Variants in ZNF626 observed in about 807,000 individuals in gnomAD.
The protein encoded by ZNF626 is CTC-513N18.7.
ZNF626 carries 4 observed loss-of-function variants against 11.7 expected under a neutral mutation model. That is an observed-to-expected ratio of 0.34 (90% CI 0.17 to 0.78). ZNF626 has a LOEUF of 0.78. Ranked by LOEUF, ZNF626 falls within the 30% of genes least tolerant of loss-of-function variation. The pLI, the probability that ZNF626 is intolerant of heterozygous loss-of-function variation, is 0.57. For synonymous variants in ZNF626, 179 were observed against 198.6 expected (o/e 0.90, Z 0.83); for missense variants, 588 against 587.1 (o/e 1.00, Z -0.01).
intron 1 of ZNF626, among the ~76,000 whole-genome samples, chr19:20,654,356 T>C (rs990908504): frequency 1.3e-5 from 2 of 151,812 alleles, no homozygotes; most frequent in African/African-American, 4.8e-5. Flanking sequence ...GGCAGGAGAA[T>C]TGCTTGAACC....
intron 1 of ZNF626, among the ~76,000 whole-genome samples, chr19:20,657,162 A>G (rs1379355322): frequency 6.6e-6 from 1 of 151,624 alleles, no homozygotes; most frequent in Non-Finnish European, 1.5e-5. Flanking sequence ...CTGAGCTTAG[A>G]AGTTTGAGAC....
chr19:20,641,921 G>C (rs1555771505), intron 3 of ZNF626, among the ~76,000 whole-genome samples: 1 of 111,688 alleles, frequency 9.0e-6, no homozygotes. Context: ...TTAAAACAAT[G>C]TTTAAAAAAA....
chr19:20,625,729 T>A, intron 3 of ZNF626, 79 bp from the exon 4 acceptor site: 1 of 1,371,918 alleles, frequency 7.3e-7, no homozygotes, highest in Non-Finnish European at 9.7e-7. Flanking sequence ...GTTTGTATAG[T>A]TTTATACAAA....
intron 1 of ZNF626, among the ~76,000 whole-genome samples, chr19:20,650,538 AAG>A (rs1970135219): frequency 6.6e-6 from 1 of 152,178 alleles, no homozygotes; most frequent in South Asian, 2.1e-4. Context: ...CAGCTCTAGA[AAG>A]ACAACAGGAT....
intron 3 of ZNF626, among the ~76,000 whole-genome samples, chr19:20,629,004 T>C (rs1969872056): frequency 6.6e-6 from 1 of 152,202 alleles, no homozygotes; most frequent in Admixed American, 6.5e-5. Flanking sequence ...TACATATGGC[T>C]AGCCAGTTTT....
At chr19:20,625,847 AAT>A (rs1969824758) in intron 3 of ZNF626, among the ~76,000 whole-genome samples, 197 bp from the exon 4 acceptor site, 1 of 8,468 alleles carries the variant, frequency 1.2e-4, no homozygotes, top group South Asian at 5.1e-3. Flanking sequence ...AAAAACTTAT[AAT>A]AAGTTGTGAA....
chr19:20,659,911 G>T (rs1327457031), intron 1 of ZNF626, among the ~76,000 whole-genome samples: 1 of 152,114 alleles, frequency 6.6e-6, no homozygotes, highest in South Asian at 2.1e-4. Context: ...TTCCGTGGCT[G>T]GGGTGAGCAG....
intron 1 of ZNF626, among the ~76,000 whole-genome samples, chr19:20,656,930 G>T (rs1185893071): frequency 6.6e-6 from 1 of 152,080 alleles, no homozygotes; most frequent in African/African-American, 2.4e-5. Context: ...TTTGACCCAG[G>T]AATCTCATAA....
intron 3 of ZNF626, among the ~76,000 whole-genome samples, chr19:20,642,255 A>G (rs1450605810): frequency 6.6e-6 from 1 of 152,220 alleles, no homozygotes; most frequent in Non-Finnish European, 1.5e-5. Context: ...AAATTCTCTA[A>G]AATTATAATA....
At chr19:20,652,516 T>C (rs1970158218) in intron 1 of ZNF626, among the ~76,000 whole-genome samples, 1 of 152,202 alleles carries the variant, frequency 6.6e-6, no homozygotes, top group Admixed American at 6.5e-5. Context: ...AAAAATAACA[T>C]TGATTATTGA....
chr19:20,630,100 G>A (rs180858462), intron 3 of ZNF626, among the ~76,000 whole-genome samples: 5 of 152,200 alleles, frequency 3.3e-5, no homozygotes, highest in East Asian at 1.9e-4. Flanking sequence ...TGCGTATGTC[G>A]AACCAGCCTT....
intron 1 of ZNF626, among the ~76,000 whole-genome samples, chr19:20,653,195 A>G (rs1970166542): frequency 6.6e-6 from 1 of 152,212 alleles, no homozygotes; most frequent in Non-Finnish European, 1.5e-5. Context: ...TTATGTGTTT[A>G]TATCATGTCT....
chr19:20,649,227 C>T (rs189618665), intron 1 of ZNF626, among the ~76,000 whole-genome samples: 12 of 152,236 alleles, frequency 7.9e-5, no homozygotes, highest in Non-Finnish European at 1.5e-4. Context: ...ACATGTTTAC[C>T]TGCTAGCATA....
At chr19:20,636,027 G>A (rs1969961922) in intron 3 of ZNF626, among the ~76,000 whole-genome samples, 1 of 152,176 alleles carries the variant, frequency 6.6e-6, no homozygotes, top group African/African-American at 2.4e-5. Flanking sequence ...AGCTACTCAG[G>A]AGGCTGAGGT....
At chr19:20,659,487 C>T (rs1431495844) in intron 1 of ZNF626, among the ~76,000 whole-genome samples, 3 of 152,102 alleles carry the variant, frequency 2.0e-5, no homozygotes, top group African/African-American at 7.2e-5. Flanking sequence ...GTGATCCGTC[C>T]GCCTAGGCCT....
chr19:20,627,879 T>C (rs1407761612), intron 3 of ZNF626, among the ~76,000 whole-genome samples: 10 of 152,198 alleles, frequency 6.6e-5, no homozygotes, highest in Non-Finnish European at 2.9e-5. Flanking sequence ...GTTGCACCCA[T>C]TAACTCGTCA....
At chr19:20,632,592 C>T (rs915416597) in intron 3 of ZNF626, among the ~76,000 whole-genome samples, 1 of 152,206 alleles carries the variant, frequency 6.6e-6, no homozygotes, top group Non-Finnish European at 1.5e-5. Context: ...GCTACAGAGG[C>T]TTCTGCATTC....
intron 3 of ZNF626, among the ~76,000 whole-genome samples, chr19:20,629,778 C>T (rs1230137941): frequency 6.6e-6 from 1 of 152,034 alleles, no homozygotes; most frequent in African/African-American, 2.4e-5. Flanking sequence ...ATTTCCTTCT[C>T]CTGCCTGATT....
intron 3 of ZNF626, among the ~76,000 whole-genome samples, chr19:20,637,854 T>C (rs1555771069): frequency 6.6e-6 from 1 of 152,094 alleles, no homozygotes; most frequent in African/African-American, 2.4e-5. Context: ...TAAATATAAA[T>C]TAATTAAACT....
Sources: allele counts gnomAD v4.1 joint callset (sites outside exome capture counted in the v4.1 genomes callset), GRCh38; gene constraint gnomAD v4.1.1; transcripts MANE v1.5; gene names NCBI Gene and HGNC (gene_info 2026-07-23, HGNC 2026-07-21).